Variants in MUC3A observed in about 807,000 individuals in gnomAD.
MUC3A encodes mucin 3A, cell surface associated, also known as mucin-3A.
In MUC3A, 109 loss-of-function variants were observed where a neutral mutation model predicts 109.0. The observed-to-expected ratio is 1.00, with a 90% CI of 0.86 to 1.17. The LOEUF is 1.17. MUC3A is among the 50% of genes most tolerant of loss of function. The probability of loss-of-function intolerance (pLI) is 0.00; values close to 1 mark genes in which losing one functional copy is unlikely to be tolerated. For missense variants in MUC3A, 3,537 were observed against 2,469.4 expected, an observed-to-expected ratio of 1.43 and a Z score of -9.16; for synonymous variants, 1,398 against 981.4, an observed-to-expected ratio of 1.42 and a Z score of -7.93.
Position 100,960,783 on chromosome 7 carries a change from G to A in MUC3A, c.8898G>A (p.Gln2966=). The A allele has an allele frequency of 1.9e-6, 3 of 1,598,494 alleles. No homozygotes were observed. In the East Asian group the frequency reaches 6.7e-5, roughly 36 times the overall value. The change falls in exon 3 of 12, where the codon CAG becomes CAA. Residue 2966 remains glutamine, a synonymous_variant. Coordinates refer to ENST00000379458, the MANE Select transcript of MUC3A (RefSeq NM_005960.2). ...GTGACAATGGTGGCACCTGGGAACAGGGCCAGTGTGCTTGCCTTCCGGGGT... is the reference window on the plus strand; with the variant it reads ...GTGACAATGGTGGCACCTGGGAACAAGGCCAGTGTGCTTGCCTTCCGGGGT... ...GTCDNGGTWE[Q]GQCACLPGFS...
chr7:100,960,885 C>G lies in MUC3A; in HGVS notation c.9000C>G (p.Pro3000=). 6.3e-7 allele frequency: 1 copy of G among 1,598,546 alleles called. No homozygotes were observed. The highest frequency in any genetic ancestry group is 8.5e-7 in the Non-Finnish European group (1 of 1,179,822). ...GGGATGGCCTCAAATGCCAGTGCCC[C>G]AGCACCTTCTATGGTTCCAGTTGTG... The part of the protein sequence containing the change: ...GQWDGLKCQC[P]STFYGSSCEF... The change falls in exon 3 of 12, where the codon CCC becomes CCG. Residue 3000 remains proline, a synonymous_variant. Transcript: ENST00000379458.
Position 100,960,448 on chromosome 7 carries a change from C to T in MUC3A, c.8669C>T (p.Pro2890Leu), listed in dbSNP as rs144580177. The T allele has an allele frequency of 0.018, 27,659 of 1,529,324 alleles. No individual in the cohort carries two copies. Among genetic ancestry groups the T allele is most frequent in the Middle Eastern group, 0.026 (151 of 5,780 alleles). The allele number at this position is 1,529,324 out of a possible 1,614,324, so 94.7% of individuals were successfully genotyped here. The change falls in exon 2 of 12, where the codon CCG (proline) becomes CTG (leucine). Residue 2890 changes from proline to leucine, a missense_variant. By Grantham distance (98) the Pro-to-Leu change is moderately conservative. Transcript: ENST00000379458. ...CCTCTTCCTGGCGTCTCTACCATCC[C>T]GCTCACCATGAAACCAAGCAGTAGC... ...PLPLPGVSTI[P>L]LTMKPSSSLP...
chr7:100,957,901 C>T lies in MUC3A; in HGVS notation c.6122C>T (p.Pro2041Leu), dbSNP rs971092157. The change falls in exon 2 of 12, where the codon CCC becomes CTC. Residue 2041 changes from proline to leucine, a missense_variant. By Grantham distance (98) the Pro-to-Leu change is moderately conservative. Coordinates refer to ENST00000379458, the MANE Select transcript of MUC3A (RefSeq NM_005960.2). ...TTTETTSHSTPSFTSSITTET... is the reference protein window; with the variant it reads ...TTTETTSHSTLSFTSSITTET... ...ACCGAGACCACATCCCATAGTACTC[C>T]CAGCTTCACTTCTTCGATCACCACC... 1,403 of 771,734 alleles carry T rather than the reference C, an allele frequency of 1.8e-3. 7 individuals carry two copies. Among genetic ancestry groups the T allele is most frequent in the East Asian group, 4.8e-3 (192 of 39,930 alleles). 47.8% of individuals were successfully genotyped at this position (771,734 alleles called of 1,614,324 possible).
rs746994620 is a variant in MUC3A at position 100,966,594 on chromosome 7, G to A, written c.9785+35G>A. 3.1e-6 allele frequency: 5 copies of A among 1,589,296 alleles called. No homozygotes were observed. The East Asian group carries it at 6.8e-5, about 22-fold the overall frequency. ...CGGGGGGCGGGGCCGGGGGGCGAGG[G>A]CAGCCAAGGGGTCCCAGGCGGGCCG... On this transcript the variant is annotated intron_variant, in intron 9 of 11. Transcript: ENST00000379458.
rs547892280 is a variant in MUC3A at position 100,963,755 on chromosome 7, A to G, written c.9233+3A>G. On this transcript the variant is annotated splice_donor_region_variant and intron_variant, in intron 5 of 11. Transcript: ENST00000379458. The stretch of plus-strand genomic sequence containing the variant: ...GGTGTGGAGATCCTGTCCCTGAGGT[A>G]GGAGACCCATCTGGGGATGCGGAGG... 4.4e-6 allele frequency: 7 copies of G among 1,598,462 alleles called. No homozygotes were observed. The African/African-American group carries it at 8.0e-5, about 18-fold the overall frequency.
intron 1 of MUC3A, among the ~76,000 whole-genome samples, chr7:100,951,424 T>A (rs76829389): frequency 0.19 from 26,491 of 136,628 alleles, no homozygotes; most frequent in African/African-American, 0.21. Context: ...GGAGAAGCAG[T>A]GGTGGGAGCA....
At position 100,952,583 on chromosome 7, in the gene MUC3A, A is replaced by G. The variant is rs972218919; in HGVS notation, c.804A>G (p.Thr268=). ...CTTCTTCAATCACTTCCACAAATAC[A>G]GTGACTTCTATGACAACGACCGCCT... is the stretch of plus-strand genomic sequence containing the variant. The part of the protein sequence containing the change: ...PITSSITSTN[T]VTSMTTTASQ... Residue 268 remains threonine, a synonymous_variant, in exon 2 of 12, where the codon ACA becomes ACG. Coordinates refer to ENST00000379458, the MANE Select transcript of MUC3A (RefSeq NM_005960.2). The G allele has an allele frequency of 6.3e-7, 1 of 1,598,510 alleles. No homozygotes were observed. The highest frequency in any genetic ancestry group is 8.5e-7 in the Non-Finnish European group (1 of 1,179,766).
rs772039543 is a variant in MUC3A, at chr7:100,959,400, G to A, written c.7621G>A (p.Val2541Met). ...SIQSTETSSL[V>M]GTTSPTMSTV... ...CCAAAGTACAGAAACCTCATCCCTTGTGGGCACCACCTCTCCCACCATGTC... is the reference window on the plus strand; with the variant it reads ...CCAAAGTACAGAAACCTCATCCCTTATGGGCACCACCTCTCCCACCATGTC... The change falls in exon 2 of 12, where the codon GTG becomes ATG. Residue 2541 changes from valine to methionine, a missense_variant. By Grantham distance (21) the Val-to-Met change is conservative. Coordinates refer to ENST00000379458, the MANE Select transcript of MUC3A (RefSeq NM_005960.2). The A allele has an allele frequency of 6.5e-7, 1 of 1,537,138 alleles. No homozygotes were observed. The highest frequency in any genetic ancestry group is 1.4e-5 in the African/African-American group (1 of 72,996).
chr7:100,961,012 G>A, intron 3 of MUC3A, 75 bp downstream of exon 3: 3 of 1,593,340 alleles, frequency 1.9e-6, no homozygotes, highest in Non-Finnish European at 8.5e-7. Context: ...TTATCCCTCT[G>A]TGGGGCCTGG....
Position 100,968,141 on chromosome 7 carries a change from C to T in MUC3A, c.*979C>T, listed in dbSNP as rs1320535320. On this transcript the variant is annotated 3_prime_UTR_variant, in exon 12 of 12. Transcript: ENST00000379458. ...CTCCTCATTTCCTTCGATCCCCCTC[C>T]CTTCTTGCCTCCCCTCTGCCTTTTA... is the stretch of plus-strand genomic sequence containing the variant. 3 of 3,212 alleles carry T rather than the reference C, an allele frequency of 9.3e-4. No homozygotes were observed. Among genetic ancestry groups the T allele is most frequent in the African/African-American group, 2.5e-3 (3 of 1,188 alleles). 0.2% of individuals were successfully genotyped at this position (3,212 alleles called of 1,614,324 possible).
chr7:100,959,401 T>G lies in MUC3A; in HGVS notation c.7622T>G (p.Val2541Gly). The change falls in exon 2 of 12, where the codon GTG (valine) becomes GGG (glycine). Residue 2541 changes from valine (V) to glycine (G), a missense_variant. Coordinates refer to ENST00000379458, the MANE Select transcript of MUC3A (RefSeq NM_005960.2). ...SIQSTETSSL[V>G]GTTSPTMSTV... ...CAAAGTACAGAAACCTCATCCCTTGTGGGCACCACCTCTCCCACCATGTCC... is the reference window on the plus strand; with the variant it reads ...CAAAGTACAGAAACCTCATCCCTTGGGGGCACCACCTCTCCCACCATGTCC... 2.0e-6 allele frequency: 3 copies of G among 1,537,296 alleles called. No individual in the cohort carries two copies. Among genetic ancestry groups the G allele is most frequent in the Non-Finnish European group, 2.6e-6 (3 of 1,152,840 alleles).
Position 100,956,904 on chromosome 7 carries a change from T to C in MUC3A, c.5125T>C (p.Phe1709Leu), listed in dbSNP as rs1220645913. 2.4e-6 allele frequency: 1 copy of C among 411,650 alleles called. No homozygotes were observed. Among genetic ancestry groups the C allele is most frequent in the Non-Finnish European group, 4.3e-6 (1 of 235,104 alleles). 25.5% of individuals were successfully genotyped at this position (411,650 alleles called of 1,614,324 possible). A position where few individuals can be genotyped will look rare whatever the true frequency, so the allele number is the denominator to read the frequency against. Residue 1709 changes from phenylalanine to leucine, a missense_variant, in exon 2 of 12, where the codon TTT becomes CTT. Coordinates refer to ENST00000379458, the MANE Select transcript of MUC3A (RefSeq NM_005960.2). ...SPTTTMSFTT[F>L]TKMETPSSTV... The stretch of plus-strand genomic sequence containing the variant: ...TACAACCACCATGTCATTCACAACA[T>C]TTACAAAGATGGAAACACCTTCATC...
Position 100,966,637 on chromosome 7 carries a change from G to A in MUC3A, c.9786-15G>A. 6.3e-7 allele frequency: 1 copy of A among 1,598,496 alleles called. No individual in the cohort carries two copies. Among genetic ancestry groups the A allele is most frequent in the African/African-American group, 1.3e-5 (1 of 75,086 alleles). On this transcript the variant is annotated splice_polypyrimidine_tract_variant and intron_variant, in intron 9 of 11. Transcript: ENST00000379458. Reference sequence around the variant, plus strand: ...GCGGGCCGGCTCTGTCTGACCGCGCGGCGGCCCCACCTAGGTCCTGGGACC... The same window carrying A: ...GCGGGCCGGCTCTGTCTGACCGCGCAGCGGCCCCACCTAGGTCCTGGGACC...
chr7:100,959,898 A>C lies in MUC3A; in HGVS notation c.8119A>C (p.Ile2707Leu), dbSNP rs567353666. The C allele has an allele frequency of 6.5e-7, 1 of 1,534,796 alleles. No individual in the cohort carries two copies. Among genetic ancestry groups the C allele is most frequent in the East Asian group, 2.2e-5 (1 of 44,482 alleles). Residue 2707 changes from isoleucine (I) to leucine (L), a missense_variant, in exon 2 of 12, where the codon ATT becomes CTT. By Grantham distance (5) the Ile-to-Leu change is conservative. Transcript: ENST00000379458. Reference sequence around the variant, plus strand: ...CATAACTCCAGTGTTTTCCACTACCATTCATTCTGTTCCTTCTTCACCATA... The same window carrying C: ...CATAACTCCAGTGTTTTCCACTACCCTTCATTCTGTTCCTTCTTCACCATA... ...ASITPVFSTT[I>L]HSVPSSPYIF...
chr7:100,966,089 A>G, intron 8 of MUC3A: 3 of 414,848 alleles, frequency 7.2e-6, no homozygotes, highest in African/African-American at 9.7e-5. Context: ...CTGGGAGAGA[A>G]CCCCGCCCAC....
Position 100,958,710 on chromosome 7 carries a change from A to G in MUC3A, c.6931A>G (p.Ile2311Val). Residue 2311 changes from isoleucine to valine, a missense_variant, in exon 2 of 12, where the codon ATC (isoleucine) becomes GTC (valine). Transcript: ENST00000379458. ...CAGTACTCCCAGCTTCACTTCTTCG[A>G]TCACCACCACGGAGACCACCTCACA... The part of the protein sequence containing the change: ...SHSTPSFTSS[I>V]TTTETTSHSA... 1.3e-6 allele frequency: 2 copies of G among 1,513,682 alleles called. No individual in the cohort carries two copies. Among genetic ancestry groups the G allele is most frequent in the Non-Finnish European group, 1.8e-6 (2 of 1,119,542 alleles). 93.8% of individuals were successfully genotyped at this position (1,513,682 alleles called of 1,614,324 possible).
intron 6 of MUC3A, chr7:100,965,068 T>C (rs1792479427): frequency 1.8e-6 from 2 of 1,124,026 alleles, no homozygotes; most frequent in Non-Finnish European, 2.5e-6. Context: ...TGGTCAGCAT[T>C]TCCCGGATGG....
In MUC3A at chr7:100,967,259, C is replaced by A; in HGVS notation, c.*97C>A. On this transcript the variant is annotated 3_prime_UTR_variant, in exon 12 of 12. Transcript: ENST00000379458. The stretch of plus-strand genomic sequence containing the variant: ...AGAGGTGGCCCCAGGACGCGGGCAG[C>A]CCAGGCTCCTGCTGTTCTTGGGCAA... The A allele has an allele frequency of 6.5e-7, 1 of 1,546,866 alleles. No homozygotes were observed. Among genetic ancestry groups the A allele is most frequent in the African/African-American group, 1.4e-5 (1 of 73,822 alleles).
chr7:100,964,383 C>T (rs587601122), intron 5 of MUC3A: 84 of 366,938 alleles, frequency 2.3e-4, no homozygotes, highest in African/African-American at 1.6e-3. Flanking sequence ...TCACTTTAGC[C>T]CAGGAGTTGG....
Sources: gnomAD v4.1 joint callset for allele counts (sites outside exome capture counted in the v4.1 genomes callset) on GRCh38, gnomAD v4.1.1 for gene constraint, MANE v1.5 for transcripts, NCBI Gene and HGNC (gene_info 2026-07-23, HGNC 2026-07-21) for gene names.